Variants in MARCHF6 observed in about 807,000 individuals in gnomAD.
MARCHF6 encodes the protein membrane associated ring-CH-type finger 6, also known as E3 ubiquitin-protein ligase MARCHF6.
MARCHF6 carries 31 observed loss-of-function variants against 133.7 expected under a neutral mutation model. That is an observed-to-expected ratio of 0.23 (90% CI 0.17 to 0.31). MARCHF6 has a LOEUF of 0.31. MARCHF6 is among the 10% of genes least tolerant of loss of function. The probability of loss-of-function intolerance (pLI) is 1.00; values close to 1 mark genes in which losing one functional copy is unlikely to be tolerated. For missense variants in MARCHF6, 723 were observed against 1,121.6 expected (o/e 0.64, Z 5.08); for synonymous variants, 395 against 402.5 (o/e 0.98, Z 0.22).
chr5:10,395,965 A>T (rs927654531), intron 9 of MARCHF6, among the ~76,000 whole-genome samples: 2 of 152,376 alleles, frequency 1.3e-5, no homozygotes, highest in Middle Eastern at 3.4e-3. Flanking sequence ...ATTTGGCCAC[A>T]TACTGATTTA....
intron 22 of MARCHF6, among the ~76,000 whole-genome samples, chr5:10,420,957 C>T (rs1402502598): frequency 6.6e-6 from 1 of 152,188 alleles, no homozygotes; most frequent in Non-Finnish European, 1.5e-5. Context: ...CTAACATAAG[C>T]TGAAATCCTG....
At chr5:10,356,363 T>G (rs1266819320) in intron 1 of MARCHF6, among the ~76,000 whole-genome samples, 2 of 133,392 alleles carry the variant, frequency 1.5e-5, no homozygotes, top group Non-Finnish European at 3.2e-5. Context: ...TTTTATTTTA[T>G]TTTATTTTAT....
At chr5:10,410,390 G>A (rs1384519192) in intron 18 of MARCHF6, 114 bp downstream of exon 18, 25 of 1,264,892 alleles carry the variant, frequency 2.0e-5, no homozygotes, top group Middle Eastern at 2.8e-4. Context: ...TTTAATAAGA[G>A]ACAATTTAGT....
chr5:10,422,106 T>G (rs1456360838), intron 22 of MARCHF6: 1 of 152,192 alleles, frequency 6.6e-6, no homozygotes, highest in Non-Finnish European at 1.5e-5. Context: ...ACGCAGTTGT[T>G]GTGGAGCTGT....
Position 10,394,742 on chromosome 5 carries a change from G to T in MARCHF6, c.829-11G>T. ...TCTTAAATTAATGCTTATCGTTTTT[G>T]TTTATTTTAGATGCTAGGACTTGAT... On this transcript the variant is annotated splice_polypyrimidine_tract_variant and intron_variant, in intron 8 of 25. Transcript: ENST00000274140. 6.4e-7 allele frequency: 1 copy of T among 1,564,482 alleles called. No homozygotes were observed. The highest frequency in any genetic ancestry group is 8.7e-7 in the Non-Finnish European group (1 of 1,147,456).
At chr5:10,354,080 C>G (rs897856357) in intron 1 of MARCHF6, 163 bp downstream of exon 1, 132 of 555,650 alleles carry the variant, frequency 2.4e-4, no homozygotes, top group Non-Finnish European at 1.2e-4. Flanking sequence ...GGAAGGTGAC[C>G]CTCTGCGCGC....
Position 10,426,404 on chromosome 5 carries a change from C to T in MARCHF6, c.2388C>T (p.Gly796=). 3 of 1,613,588 alleles carry T rather than the reference C, an allele frequency of 1.9e-6. No individual in the cohort carries two copies. Among genetic ancestry groups the T allele is most frequent in the Non-Finnish European group, 2.5e-6 (3 of 1,179,784 alleles). ...KTVIEQVYAN[G]IRNIDLHYIV... Reference sequence around the variant, plus strand: ...TAATGTTTCAGGTTTACGCAAATGGCATCCGGAACATTGACCTTCACTATA... The same window carrying T: ...TAATGTTTCAGGTTTACGCAAATGGTATCCGGAACATTGACCTTCACTATA... The change falls in exon 24 of 26, where the codon GGC becomes GGT. Residue 796 remains glycine (G), a synonymous_variant. Transcript: ENST00000274140.
At position 10,385,524 on chromosome 5, in the gene MARCHF6, A is replaced by G. The variant is rs142710198; in HGVS notation, c.335-1470A>G. Among the ~76,000 whole-genome samples the G allele has an allele frequency of 6.0e-3, 917 of 152,324 alleles. 11 individuals are homozygous for G. Among genetic ancestry groups the G allele is most frequent in the African/African-American group, 0.021 (855 of 41,578 alleles). ...GATTTCTCTGTTACGAGAGAGCTTCATAGATGTGTAGGTATAAAACTTGCA... is the reference window on the plus strand; with the variant it reads ...GATTTCTCTGTTACGAGAGAGCTTCGTAGATGTGTAGGTATAAAACTTGCA... On this transcript the variant is annotated intron_variant, in intron 4 of 25. Transcript: ENST00000274140.
At chr5:10,425,416 C>G (rs1329846334) in intron 23 of MARCHF6, among the ~76,000 whole-genome samples, 1 of 152,170 alleles carries the variant, frequency 6.6e-6, no homozygotes, top group Admixed American at 6.5e-5. Context: ...TGTGGAACAT[C>G]ATTGATCTTC....
In MARCHF6 at chr5:10,381,816, G is replaced by A; in HGVS notation, c.207G>A (p.Met69Ile). 1 of 1,605,746 alleles carries A rather than the reference G, an allele frequency of 6.2e-7. No homozygotes were observed. The highest frequency in any genetic ancestry group is 8.5e-7 in the Non-Finnish European group (1 of 1,177,322). Reference protein sequence around the residue: ...FAFTPIYSPDMPSRLPIQDIF... With the variant: ...FAFTPIYSPDIPSRLPIQDIF... ...CGCTTATAGTTTATTCTCCAGATAT[G>A]CCTTCACGGCTTCCAATTCAAGACA... Residue 69 changes from methionine to isoleucine, a missense_variant, in exon 4 of 26, where the codon ATG becomes ATA. Physicochemically the swap from Met to Ile is conservative, Grantham distance 10. Coordinates refer to ENST00000274140, the MANE Select transcript of MARCHF6 (RefSeq NM_005885.4).
rs181467032 is a variant in MARCHF6 at position 10,410,265 on chromosome 5, C to T, written c.1680C>T (p.Ala560=). Residue 560 remains alanine (A), a synonymous_variant, in exon 18 of 26, where the codon GCC becomes GCT. Coordinates refer to ENST00000274140, the MANE Select transcript of MARCHF6 (RefSeq NM_005885.4). ...KGLVRAWTVT[A]GYLLDLHSYL... is the part of the protein sequence containing the mutation. ...TGGTGCGAGCGTGGACTGTGACCGC[C>T]GGATACTTGCTGTGAGTATGGGCAG... The T allele has an allele frequency of 2.2e-5, 35 of 1,612,678 alleles. No homozygotes were observed. The East Asian group carries it at 3.1e-4, about 14-fold the overall frequency.
chr5:10,376,696 A>G (rs1736801858), intron 1 of MARCHF6, among the ~76,000 whole-genome samples: 1 of 152,170 alleles, frequency 6.6e-6, no homozygotes, highest in African/African-American at 2.4e-5. Flanking sequence ...CAGCCTAGAA[A>G]AGGCATGCAC....
chr5:10,394,973 G>C (rs1174947248), intron 9 of MARCHF6, among the ~76,000 whole-genome samples, 188 bp downstream of exon 9: 1 of 151,904 alleles, frequency 6.6e-6, no homozygotes, highest in Non-Finnish European at 1.5e-5. Flanking sequence ...CTAATTTTTT[G>C]TATTTTTAGT....
intron 4 of MARCHF6, among the ~76,000 whole-genome samples, chr5:10,382,468 CAAA>C (rs550904656): frequency 1.8e-4 from 13 of 74,274 alleles, no homozygotes; most frequent in Admixed American, 1.6e-4. Flanking sequence ...CTTTGTCTCG[CAAA>C]AAAAAAAAAA....
chr5:10,425,383 T>C (rs550877230), intron 23 of MARCHF6, among the ~76,000 whole-genome samples: 95 of 152,302 alleles, frequency 6.2e-4, no homozygotes, highest in Non-Finnish European at 1.2e-3. Flanking sequence ...AGCATGGAGA[T>C]GGGATTTATT....
At chr5:10,355,867 T>G (rs559862781) in intron 1 of MARCHF6, among the ~76,000 whole-genome samples, 1 of 152,346 alleles carries the variant, frequency 6.6e-6, no homozygotes, top group East Asian at 1.9e-4. Context: ...GAGTGTATAC[T>G]ACAAGTCCAA....
At chr5:10,383,393 C>T (rs1476151735) in intron 4 of MARCHF6, among the ~76,000 whole-genome samples, 1 of 152,194 alleles carries the variant, frequency 6.6e-6, no homozygotes, top group Non-Finnish European at 1.5e-5. Flanking sequence ...AAGGAAAAGT[C>T]TCATGAACCT....
intron 1 of MARCHF6, among the ~76,000 whole-genome samples, chr5:10,374,503 T>A (rs548528868): frequency 8.3e-4 from 126 of 152,262 alleles, no homozygotes; most frequent in African/African-American, 3.0e-3. Context: ...CTGGTGGGAA[T>A]CATGGAATGG....
chr5:10,411,630 G>A, intron 19 of MARCHF6, 93 bp downstream of exon 19: 2 of 937,248 alleles, frequency 2.1e-6, no homozygotes, highest in Non-Finnish European at 3.2e-6. Context: ...TTAGTATGCA[G>A]TCCTCTGTGT....
Sources: gnomAD v4.1 joint callset for allele counts (sites outside exome capture counted in the v4.1 genomes callset) on GRCh38, gnomAD v4.1.1 for gene constraint, MANE v1.5 for transcripts, NCBI Gene and HGNC (gene_info 2026-07-23, HGNC 2026-07-21) for gene names.